Variants in CD109 observed in about 807,000 individuals in gnomAD.
CD109 encodes CD109 molecule.
CD109 carries 149 observed loss-of-function variants against 165.8 expected under a neutral mutation model. That is an observed-to-expected ratio of 0.90 (90% CI 0.79 to 1.03). The LOEUF is 1.03. Ranked by LOEUF, CD109 falls within the 50% of genes least tolerant of loss-of-function variation. CD109 has a pLI of 0.00. For synonymous variants in CD109, 585 were observed against 592.1 expected, an observed-to-expected ratio of 0.99 and a Z score of 0.18; for missense variants, 1,712 against 1,677.8, an observed-to-expected ratio of 1.02 and a Z score of -0.36.
rs182601840 is a variant in CD109 at position 73,824,892 on chromosome 6, A to G, written c.*1259A>G. On this transcript the variant is annotated 3_prime_UTR_variant, in exon 33 of 33. Transcript: ENST00000287097. ...ATGATTTAGATATGTGTCAACAATT[A>G]ATGATCTTTTATTCAATCTAAGAAA... The G allele has an allele frequency of 6.6e-6, 1 of 152,202 alleles. No homozygotes were observed. Among genetic ancestry groups the G allele is most frequent in the Non-Finnish European group, 1.5e-5 (1 of 68,006 alleles). 9.4% of individuals were successfully genotyped at this position (152,202 alleles called of 1,614,324 possible).
At chr6:73,684,894 T>C in the CD109 span, among the ~76,000 whole-genome samples, 1 of 152,006 alleles carries the variant, frequency 6.6e-6, no homozygotes, top group Non-Finnish European at 1.5e-5. Context: ...ATTTTGCCTA[T>C]GTGGTCTCAA....
chr6:73,699,646 G>A (rs977346397), intron 2 of CD109, among the ~76,000 whole-genome samples: 1 of 152,078 alleles, frequency 6.6e-6, no homozygotes, highest in South Asian at 2.1e-4. Context: ...AGGGTTCCTT[G>A]TATGCCCATA....
At chr6:73,751,464 C>A (rs1430087699) in intron 5 of CD109, among the ~76,000 whole-genome samples, 1 of 152,012 alleles carries the variant, frequency 6.6e-6, no homozygotes, top group African/African-American at 2.4e-5. Context: ...CCTACTAAGG[C>A]TGTTTTGATC....
chr6:73,691,392 G>T (rs958278924), upstream of CD109, among the ~76,000 whole-genome samples: 2 of 152,210 alleles, frequency 1.3e-5, no homozygotes, highest in African/African-American at 2.4e-5. Context: ...TTGGTTTAGA[G>T]TGCTAGGCAG....
intron 24 of CD109, among the ~76,000 whole-genome samples, chr6:73,803,677 TGTA>T (rs1775461097): frequency 8.5e-6 from 1 of 118,274 alleles, no homozygotes; most frequent in Non-Finnish European, 1.7e-5. Flanking sequence ...CTGCGGTCAA[TGTA>T]GTTTAAGTTT....
chr6:73,698,476 C>T (rs1770939886), intron 2 of CD109, among the ~76,000 whole-genome samples: 1 of 152,048 alleles, frequency 6.6e-6, no homozygotes, highest in African/African-American at 2.4e-5. Context: ...TAAGCTACTG[C>T]TCCTGGCCGA....
At chr6:73,717,201 C>T (rs1771772577) in intron 2 of CD109, among the ~76,000 whole-genome samples, 1 of 148,564 alleles carries the variant, frequency 6.7e-6, no homozygotes, top group Non-Finnish European at 1.5e-5. Context: ...AATTTGAAGT[C>T]AGGTAATGTG....
chr6:73,788,009 C>A (rs192929385), intron 21 of CD109, among the ~76,000 whole-genome samples: 1 of 152,106 alleles, frequency 6.6e-6, no homozygotes, highest in Non-Finnish European at 1.5e-5. Flanking sequence ...TCTTCTTTGT[C>A]ATTTTCAAGG....
chr6:73,729,676 G>C (rs1237252249), intron 3 of CD109, among the ~76,000 whole-genome samples: 1 of 151,920 alleles, frequency 6.6e-6, no homozygotes, highest in Non-Finnish European at 1.5e-5. Context: ...ACCACACCTG[G>C]GTGATTTTTG....
Position 73,818,374 on chromosome 6 carries a change from C to T in CD109, c.3912-14C>T. ...TCCTGAGGAGTTTTCATTCATCCTC[C>T]CTCTTTGATTTAGCTTTTCGGGCCC... is the stretch of plus-strand genomic sequence containing the variant. On this transcript the variant is annotated splice_polypyrimidine_tract_variant and intron_variant, in intron 30 of 32. Transcript: ENST00000287097. 6.2e-7 allele frequency: 1 copy of T among 1,613,344 alleles called. No individual in the cohort carries two copies. The highest frequency in any genetic ancestry group is 8.5e-7 in the Non-Finnish European group (1 of 1,179,736).
In CD109 at chr6:73,760,882, G is replaced by T. The variant is rs545807804; in HGVS notation, c.759-1502G>T. ...AAAATAAAATTCGCTGGACGTGGTGGTGTGCGCTTGTCATCCCAGCTACTC... is the reference window on the plus strand; with the variant it reads ...AAAATAAAATTCGCTGGACGTGGTGTTGTGCGCTTGTCATCCCAGCTACTC... On this transcript the variant is annotated intron_variant, in intron 7 of 32. Coordinates refer to ENST00000287097, the MANE Select transcript of CD109 (RefSeq NM_133493.5). 3.3e-5 allele frequency among the ~76,000 whole-genome samples: 5 copies of T among 151,694 alleles called. 1 individual carries two copies. The South Asian group carries it at 1.0e-3, about 32-fold the overall frequency.
intron 7 of CD109, among the ~76,000 whole-genome samples, chr6:73,760,129 CG>C (rs1457217946): frequency 2.0e-5 from 3 of 152,072 alleles, no homozygotes; most frequent in East Asian, 3.9e-4. Flanking sequence ...CTTTCTGGGC[CG>C]GGCGCAGTGG....
intron 5 of CD109, among the ~76,000 whole-genome samples, chr6:73,752,332 C>T (rs111418103): frequency 0.013 from 2,001 of 152,240 alleles, 50 homozygotes; most frequent in African/African-American, 0.045. Context: ...AAGAAAAATT[C>T]TGTAACTGGA....
intron 4 of CD109, among the ~76,000 whole-genome samples, chr6:73,735,075 A>G (rs937209888): frequency 2.6e-5 from 4 of 152,216 alleles, no homozygotes; most frequent in Non-Finnish European, 5.9e-5. Context: ...CAGCAGTTGC[A>G]GAGACCTACA....
At position 73,827,765 on chromosome 6, in the gene CD109, C is replaced by T. The variant is rs1199244789; in HGVS notation, c.*4132C>T. ...TGTAACATAGGAAAATAGATATTTC[C>T]TAGATGATTTCTGAGTTTCTTACTG... is the stretch of plus-strand genomic sequence containing the variant. On this transcript the variant is annotated 3_prime_UTR_variant, in exon 33 of 33. Coordinates refer to ENST00000287097, the MANE Select transcript of CD109 (RefSeq NM_133493.5). 6.6e-6 allele frequency: 1 copy of T among 152,072 alleles called. No individual in the cohort carries two copies. Among genetic ancestry groups the T allele is most frequent in the Non-Finnish European group, 1.5e-5 (1 of 68,004 alleles). The allele number at this position is 152,072 out of a possible 1,614,324, so 9.4% of individuals were successfully genotyped here. A position where few individuals can be genotyped will look rare whatever the true frequency, so the allele number is the denominator to read the frequency against.
intron 15 of CD109, among the ~76,000 whole-genome samples, chr6:73,778,170 T>C (rs1389112710): frequency 6.6e-6 from 1 of 152,182 alleles, no homozygotes; most frequent in East Asian, 1.9e-4. Flanking sequence ...TCTGTGGCAG[T>C]TGTGAATGGG....
intron 22 of CD109, among the ~76,000 whole-genome samples, chr6:73,791,481 A>ATG (rs1774965603): frequency 6.6e-6 from 1 of 151,848 alleles, no homozygotes; most frequent in African/African-American, 2.4e-5. Flanking sequence ...ACACACACGC[A>ATG]CACATATACA....
intron 30 of CD109, among the ~76,000 whole-genome samples, chr6:73,817,096 T>C (rs1211680078): frequency 6.6e-6 from 1 of 152,292 alleles, no homozygotes; most frequent in South Asian, 2.1e-4. Flanking sequence ...TTTAGGTGTA[T>C]TTTTTCAGCA....
chr6:73,688,044 G>A, the CD109 span, among the ~76,000 whole-genome samples: 1 of 152,144 alleles, frequency 6.6e-6, no homozygotes, highest in South Asian at 2.1e-4. Flanking sequence ...TCAGATTAAT[G>A]TATCTTCCCC....
Sources: allele counts gnomAD v4.1 joint callset (sites outside exome capture counted in the v4.1 genomes callset), GRCh38; gene constraint gnomAD v4.1.1; transcripts MANE v1.5; gene names NCBI Gene and HGNC (gene_info 2026-07-23, HGNC 2026-07-21).